PGBD2: variants seen among roughly 807,000 people sequenced by gnomAD.
The protein encoded by PGBD2 is piggyBac transposable element derived 2.
A neutral mutation model predicts 8.1 loss-of-function variants in PGBD2; 6 were observed. The ratio of observed to expected loss-of-function variants is 0.74; its 90% CI spans 0.40 to 1.46. PGBD2 has a LOEUF of 1.46. Among genes scored for constraint, PGBD2 ranks in the 40% most tolerant of loss-of-function variants. PGBD2 has a pLI of 0.02. For synonymous variants in PGBD2, 318 were observed against 272.2 expected (o/e 1.17, Z -1.66); for missense variants, 802 against 739.0 (o/e 1.09, Z -0.99).
chr1:248,913,828 T>C lies in PGBD2; in HGVS notation c.-35T>C, dbSNP rs866011206. The C allele has an allele frequency of 6.3e-7, 1 of 1,583,566 alleles. No individual in the cohort carries two copies. Among genetic ancestry groups the C allele is most frequent in the Non-Finnish European group, 8.7e-7 (1 of 1,152,178 alleles). ...TCTTGTCTTACAGGTTCTTAGACTCTGTGAGTAAAGACAGCTTCATCTTCC... is the reference window on the plus strand; with the variant it reads ...TCTTGTCTTACAGGTTCTTAGACTCCGTGAGTAAAGACAGCTTCATCTTCC... On this transcript the variant is annotated 5_prime_UTR_variant, in exon 2 of 3. Coordinates refer to ENST00000329291, the MANE Select transcript of PGBD2 (RefSeq NM_170725.3).
chr1:248,902,319 G>A (rs1661549151), upstream of PGBD2, among the ~76,000 whole-genome samples: 2 of 151,180 alleles, frequency 1.3e-5, no homozygotes, highest in South Asian at 4.2e-4. Flanking sequence ...CAGTCAGAAT[G>A]TCAGTTATTA....
chr1:248,903,500 C>A (rs1661568182), upstream of PGBD2, among the ~76,000 whole-genome samples: 1 of 152,178 alleles, frequency 6.6e-6, no homozygotes, highest in African/African-American at 2.4e-5. Context: ...TGATTCTTAA[C>A]TTTATGCAGG....
chr1:248,919,692 T>C (rs748976152), downstream of PGBD2: 1 of 166,524 alleles, frequency 6.0e-6, no homozygotes, highest in Non-Finnish European at 1.5e-5. Context: ...TTGTACTAAT[T>C]TACATTCCCA....
downstream of PGBD2, among the ~76,000 whole-genome samples, chr1:248,920,649 G>A (rs780714222): frequency 1.2e-4 from 18 of 152,142 alleles, no homozygotes; most frequent in Non-Finnish European, 1.8e-4. Context: ...AATCCTTTGG[G>A]TATATACCCA....
At chr1:248,874,165 C>T in the PGBD2 span, among the ~76,000 whole-genome samples, 2 of 152,164 alleles carry the variant, frequency 1.3e-5, no homozygotes, top group African/African-American at 2.4e-5. Context: ...TGCGAGAAAA[C>T]CGCATCCAAT....
the PGBD2 span, among the ~76,000 whole-genome samples, chr1:248,895,244 A>G: frequency 6.6e-6 from 1 of 152,160 alleles, no homozygotes; most frequent in Non-Finnish European, 1.5e-5. Context: ...CTGTGGCCAC[A>G]GTCTGGTTTT....
Position 248,917,094 on chromosome 1 carries a change from C to G in PGBD2, c.510C>G (p.Val170=). The G allele has an allele frequency of 6.2e-7, 1 of 1,613,720 alleles. No homozygotes were observed. The highest frequency in any genetic ancestry group is 8.5e-7 in the Non-Finnish European group (1 of 1,179,928). ...ETNRYAWQKN[V]NLSLTAQELK... is the part of the protein sequence containing the mutation. ...ATCGTTATGCTTGGCAGAAAAATGT[C>G]AATTTGAGTCTTACGGCTCAGGAAT... Residue 170 remains valine, a synonymous_variant, in exon 3 of 3, where the codon GTC becomes GTG. Transcript: ENST00000329291.
In PGBD2 at chr1:248,918,333, C is replaced by T; in HGVS notation, c.1749C>T (p.Ala583=). The T allele has an allele frequency of 1.9e-6, 3 of 1,569,416 alleles. No individual in the cohort carries two copies. Among genetic ancestry groups the T allele is most frequent in the South Asian group, 1.2e-5 (1 of 82,188 alleles). ...AGAAGTGCCAGAAGGGTGTCCATGCCAAATGCTTCAGGGAGTACCACATCC... is the reference window on the plus strand; with the variant it reads ...AGAAGTGCCAGAAGGGTGTCCATGCTAAATGCTTCAGGGAGTACCACATCC... ...RCEKCQKGVH[A]KCFREYHIR Residue 583 remains alanine (A), a synonymous_variant, in exon 3 of 3, where the codon GCC becomes GCT. Transcript: ENST00000329291.
At chr1:248,928,157 G>T in the PGBD2 span, among the ~76,000 whole-genome samples, 44 of 152,086 alleles carry the variant, frequency 2.9e-4, no homozygotes, top group African/African-American at 1.0e-3. Context: ...AACACCACAA[G>T]TTTTCTTTTT....
chr1:248,916,983 T>C lies in PGBD2; in HGVS notation c.399T>C (p.Asp133=). The change falls in exon 3 of 3, where the codon GAT becomes GAC. Residue 133 remains aspartate, a synonymous_variant. Coordinates refer to ENST00000329291, the MANE Select transcript of PGBD2 (RefSeq NM_170725.3). ...SWTASDPHIE[D]LKSQELSPVG... ...CTGCATCAGATCCTCATATTGAGGA[T>C]CTGAAAAGCCAAGAGCTGAGTCCCG... 1 of 1,612,522 alleles carries C rather than the reference T, an allele frequency of 6.2e-7. No homozygotes were observed. Among genetic ancestry groups the C allele is most frequent in the East Asian group, 2.2e-5 (1 of 44,868 alleles).
chr1:248,904,100 AAAGC>A (rs1418403715), upstream of PGBD2, among the ~76,000 whole-genome samples: 1 of 151,812 alleles, frequency 6.6e-6, no homozygotes, highest in African/African-American at 2.4e-5. Context: ...TTAACTCCCT[AAAGC>A]AAGATAGTAT....
chr1:248,918,163 A>C lies in PGBD2; in HGVS notation c.1579A>C (p.Ser527Arg), dbSNP rs1337581167. ...ATACATTGCCTGTGTGTATCTGGAG[A>C]GCAATGCTGACACAACATCTCAAGG... is the stretch of plus-strand genomic sequence containing the variant. Reference protein sequence around the residue: ...RRYIACVYLESNADTTSQGRR... With the variant: ...RRYIACVYLERNADTTSQGRR... The change falls in exon 3 of 3, where the codon AGC (serine) becomes CGC (arginine). Residue 527 changes from serine to arginine, a missense_variant. Transcript: ENST00000329291. 1.9e-6 allele frequency: 3 copies of C among 1,613,994 alleles called. No homozygotes were observed. The highest frequency in any genetic ancestry group is 1.7e-6 in the Non-Finnish European group (2 of 1,180,028).
At chr1:248,888,842 G>T in the PGBD2 span, among the ~76,000 whole-genome samples, 1 of 151,970 alleles carries the variant, frequency 6.6e-6, no homozygotes, top group African/African-American at 2.4e-5. Context: ...GTATTTCCTA[G>T]GTTTTCTTCT....
chr1:248,924,944 TA>T (rs1174187319), downstream of PGBD2, among the ~76,000 whole-genome samples: 1 of 151,942 alleles, frequency 6.6e-6, no homozygotes, highest in Admixed American at 6.5e-5. Flanking sequence ...CAAATGTGAC[TA>T]TAAAAAAAGT....
the PGBD2 span, among the ~76,000 whole-genome samples, chr1:248,899,860 G>T: frequency 6.9e-6 from 1 of 145,970 alleles, no homozygotes; most frequent in South Asian, 2.1e-4. Flanking sequence ...AGAAGGAGAA[G>T]AATCAAATAG....
At chr1:248,876,246 G>T in the PGBD2 span, among the ~76,000 whole-genome samples, 1 of 152,134 alleles carries the variant, frequency 6.6e-6, no homozygotes. Context: ...AACCTCAGGT[G>T]ATCTGCCTGC....
At chr1:248,889,788 C>T in the PGBD2 span, among the ~76,000 whole-genome samples, 25 of 152,154 alleles carry the variant, frequency 1.6e-4, no homozygotes, top group African/African-American at 4.8e-4. Context: ...AAGGCAGACT[C>T]GGGGGATATG....
chr1:248,911,621 T>C (rs1661882172), intron 1 of PGBD2, among the ~76,000 whole-genome samples: 1 of 146,536 alleles, frequency 6.8e-6, no homozygotes, highest in Non-Finnish European at 1.5e-5. Flanking sequence ...CCGTTCTCAA[T>C]GAGCTGTTGG....
the PGBD2 span, among the ~76,000 whole-genome samples, chr1:248,890,388 A>T: frequency 6.6e-6 from 1 of 151,920 alleles, no homozygotes; most frequent in African/African-American, 2.4e-5. Flanking sequence ...TATTGTGTTC[A>T]CCGTTTTTAT....
Sources: gnomAD v4.1 joint callset for allele counts (sites outside exome capture counted in the v4.1 genomes callset) on GRCh38, gnomAD v4.1.1 for gene constraint, MANE v1.5 for transcripts, NCBI Gene and HGNC (gene_info 2026-07-23, HGNC 2026-07-21) for gene names.